The following FBXL7 variants were observed in gnomAD, a reference collection of about 807,000 sequenced individuals.
FBXL7 encodes the protein F-box/LRR-repeat protein 7.
FBXL7 carries 12 observed loss-of-function variants against 38.3 expected under a neutral mutation model. The ratio of observed to expected loss-of-function variants is 0.31; its 90% CI spans 0.20 to 0.51. The LOEUF is 0.51. FBXL7 is among the 20% of genes least tolerant of loss of function. FBXL7 has a pLI of 0.98. For missense variants in FBXL7, 567 were observed against 676.4 expected (o/e 0.84, Z 1.79); for synonymous variants, 297 against 300.9 (o/e 0.99, Z 0.13).
chr5:15,532,022 C>T (rs1044595557), intron 1 of FBXL7, among the ~76,000 whole-genome samples: 1 of 152,184 alleles, frequency 6.6e-6, no homozygotes, highest in Non-Finnish European at 1.5e-5. Flanking sequence ...ATATCATAGG[C>T]TTCTGTAATG....
At chr5:15,572,500 C>T (rs1042373270) in intron 1 of FBXL7, among the ~76,000 whole-genome samples, 2 of 151,964 alleles carry the variant, frequency 1.3e-5, no homozygotes, top group Non-Finnish European at 2.9e-5. Flanking sequence ...ACCCACCTAA[C>T]TCCTCCACTG....
At chr5:15,761,595 G>A (rs578002907) in intron 2 of FBXL7, among the ~76,000 whole-genome samples, 1 of 152,160 alleles carries the variant, frequency 6.6e-6, no homozygotes, top group Non-Finnish European at 1.5e-5. Flanking sequence ...CCAGGTTAGA[G>A]TGCTATAGCA....
chr5:15,534,271 A>G (rs553879856), intron 1 of FBXL7, among the ~76,000 whole-genome samples: 11 of 152,220 alleles, frequency 7.2e-5, no homozygotes, highest in Non-Finnish European at 1.3e-4. Flanking sequence ...TGAATCTACC[A>G]TTAGAGTATC....
intron 2 of FBXL7, among the ~76,000 whole-genome samples, chr5:15,675,790 C>A (rs2126603659): frequency 6.6e-6 from 1 of 152,348 alleles, no homozygotes; most frequent in South Asian, 2.1e-4. Context: ...TTCATTTTAT[C>A]ATTCCCTGGT....
chr5:15,632,314 C>A (rs1291609661), intron 2 of FBXL7, among the ~76,000 whole-genome samples: 2 of 151,914 alleles, frequency 1.3e-5, no homozygotes, highest in African/African-American at 4.8e-5. Context: ...TGAATATATT[C>A]TTCTTATTTT....
At chr5:15,601,286 G>A (rs1739781312) in intron 1 of FBXL7, among the ~76,000 whole-genome samples, 1 of 152,090 alleles carries the variant, frequency 6.6e-6, no homozygotes, top group African/African-American at 2.4e-5. Context: ...GATCTTGGGA[G>A]TGGTGCAAAT....
rs1580338946 is a variant in FBXL7 at position 15,500,194 on chromosome 5, C to T, written c.-483C>T. 1 of 152,206 alleles carries T rather than the reference C, an allele frequency of 6.6e-6. No individual in the cohort carries two copies. The highest frequency in any genetic ancestry group is 2.4e-5 in the African/African-American group (1 of 41,576). 9.4% of individuals were successfully genotyped at this position (152,206 alleles called of 1,614,324 possible). A position where few individuals can be genotyped will look rare whatever the true frequency, so the allele number is the denominator to read the frequency against. On this transcript the variant is annotated 5_prime_UTR_variant, in exon 1 of 4. Transcript: ENST00000504595. Reference sequence around the variant, plus strand: ...GGGCGAGCTGCGCCGGGTCGCTAGTCTTCACTCGCTCCGGGGACCCGCAAC... The same window carrying T: ...GGGCGAGCTGCGCCGGGTCGCTAGTTTTCACTCGCTCCGGGGACCCGCAAC...
intron 2 of FBXL7, among the ~76,000 whole-genome samples, chr5:15,633,746 T>C (rs1302616127): frequency 2.2e-5 from 2 of 91,808 alleles, no homozygotes; most frequent in Non-Finnish European, 4.6e-5. Context: ...CAGATATTAT[T>C]ATTATTATTA....
chr5:15,857,615 C>G (rs1436944608), intron 2 of FBXL7, among the ~76,000 whole-genome samples: 2 of 152,168 alleles, frequency 1.3e-5, no homozygotes, highest in African/African-American at 4.8e-5. Context: ...CATAAGAGAG[C>G]CGTAGGCACC....
At chr5:15,859,671 C>T (rs1739392413) in intron 2 of FBXL7, among the ~76,000 whole-genome samples, 1 of 152,054 alleles carries the variant, frequency 6.6e-6, no homozygotes, top group African/African-American at 2.4e-5. Flanking sequence ...ATAATGAGAA[C>T]AGCACAGGAA....
At chr5:15,594,509 C>T (rs140761998) in intron 1 of FBXL7, among the ~76,000 whole-genome samples, 4 of 152,256 alleles carry the variant, frequency 2.6e-5, no homozygotes, top group East Asian at 1.9e-4. Flanking sequence ...TGATGTGTGT[C>T]GCCCAGGGCT....
intron 2 of FBXL7, among the ~76,000 whole-genome samples, chr5:15,771,213 A>G (rs1257145910): frequency 6.6e-6 from 1 of 152,080 alleles, no homozygotes; most frequent in East Asian, 1.9e-4. Flanking sequence ...ATTTGCTTCT[A>G]CCTTTTCATC....
intron 2 of FBXL7, among the ~76,000 whole-genome samples, chr5:15,645,770 A>G (rs975185892): frequency 2.0e-5 from 3 of 152,198 alleles, no homozygotes; most frequent in Non-Finnish European, 2.9e-5. Flanking sequence ...TCTTTGCAAT[A>G]GGCTTATTTG....
At chr5:15,656,593 A>G (rs1741888727) in intron 2 of FBXL7, among the ~76,000 whole-genome samples, 1 of 152,156 alleles carries the variant, frequency 6.6e-6, no homozygotes, top group Non-Finnish European at 1.5e-5. Flanking sequence ...GGTCCCTCCC[A>G]CAACAATTAT....
At chr5:15,758,196 T>C (rs1237191676) in intron 2 of FBXL7, among the ~76,000 whole-genome samples, 3 of 152,028 alleles carry the variant, frequency 2.0e-5, no homozygotes, top group Non-Finnish European at 4.4e-5. Context: ...AAGAAATAAG[T>C]ATCAAATGCT....
intron 1 of FBXL7, among the ~76,000 whole-genome samples, chr5:15,597,215 G>A (rs1167306288): frequency 6.6e-6 from 1 of 152,096 alleles, no homozygotes; most frequent in East Asian, 1.9e-4. Context: ...CTTGCTTGTT[G>A]GTGGGGAGAA....
intron 2 of FBXL7, among the ~76,000 whole-genome samples, chr5:15,664,217 T>C (rs556605479): frequency 6.6e-6 from 1 of 152,244 alleles, no homozygotes; most frequent in South Asian, 2.1e-4. Context: ...AGATTTTACC[T>C]TATAGCATGA....
chr5:15,641,984 TG>T (rs1741382337), intron 2 of FBXL7, among the ~76,000 whole-genome samples: 1 of 145,110 alleles, frequency 6.9e-6, no homozygotes, highest in Non-Finnish European at 1.5e-5. Context: ...TGTGTGTGTG[TG>T]TCCTATTGGT....
chr5:15,795,220 G>A (rs1380955096), intron 2 of FBXL7, among the ~76,000 whole-genome samples: 2 of 152,174 alleles, frequency 1.3e-5, no homozygotes, highest in Non-Finnish European at 2.9e-5. Flanking sequence ...TCTTACTTGA[G>A]AGAATAGAAG....
Sources: gnomAD v4.1 joint callset for allele counts (sites outside exome capture counted in the v4.1 genomes callset) on GRCh38, gnomAD v4.1.1 for gene constraint, MANE v1.5 for transcripts, NCBI Gene and HGNC (gene_info 2026-07-23, HGNC 2026-07-21) for gene names.